ATP2B2: variants seen among roughly 807,000 people sequenced by gnomAD.
The protein encoded by ATP2B2 is plasma membrane calcium-transporting ATPase 2.
Under a neutral mutation model 120.0 loss-of-function variants are expected in ATP2B2, and 15 were observed. That is an observed-to-expected ratio of 0.12 (90% confidence interval 0.08 to 0.19). ATP2B2 has a LOEUF of 0.19. ATP2B2 is among the 10% of genes least tolerant of loss of function. The pLI is 1.00. For synonymous variants in ATP2B2, 694 were observed against 700.3 expected (o/e 0.99, Z 0.14); for missense variants, 1,045 against 1,719.8 (o/e 0.61, Z 6.94).
At chr3:10,380,735 G>C (rs1165378879) in intron 8 of ATP2B2, among the ~76,000 whole-genome samples, 1 of 152,186 alleles carries the variant, frequency 6.6e-6, no homozygotes, top group Non-Finnish European at 1.5e-5. Flanking sequence ...CAGGGTTCCT[G>C]AAGTCTTCAT....
At chr3:10,421,020 G>T (rs36109047) in intron 2 of ATP2B2, among the ~76,000 whole-genome samples, 32,024 of 152,062 alleles carry the variant, frequency 0.21, 3,764 homozygotes, top group Admixed American at 0.3. Context: ...GCATCACCTG[G>T]GGACTTGTTA....
chr3:10,448,517 C>G (rs751939695), intron 2 of ATP2B2, among the ~76,000 whole-genome samples: 9 of 152,188 alleles, frequency 5.9e-5, no homozygotes, highest in Non-Finnish European at 1.2e-4. Context: ...TCCCTTGTCT[C>G]TGTTTTGAGG....
intron 2 of ATP2B2, among the ~76,000 whole-genome samples, chr3:10,429,550 A>G (rs1170845688): frequency 6.6e-6 from 1 of 152,190 alleles, no homozygotes; most frequent in Non-Finnish European, 1.5e-5. Context: ...TAATCAGTCA[A>G]TGTTGCATGC....
intron 1 of ATP2B2, among the ~76,000 whole-genome samples, chr3:10,494,961 T>G (rs1199203894): frequency 6.6e-6 from 1 of 152,202 alleles, no homozygotes; most frequent in Non-Finnish European, 1.5e-5. Context: ...GAACCACAGT[T>G]TCCTCAATAG....
At chr3:10,501,733 T>C (rs1237070869) in intron 1 of ATP2B2, among the ~76,000 whole-genome samples, 1 of 151,998 alleles carries the variant, frequency 6.6e-6, no homozygotes, top group African/African-American at 2.4e-5. Flanking sequence ...TGAGTTTCAG[T>C]CTCATTCAGT....
chr3:10,553,025 C>T (rs1287214794), intron 2 of ATP2B2, among the ~76,000 whole-genome samples: 1 of 152,218 alleles, frequency 6.6e-6, no homozygotes, highest in Non-Finnish European at 1.5e-5. Context: ...CTATGGCCTC[C>T]AGCCTCCAGT....
chr3:10,421,724 T>C (rs964735364), intron 2 of ATP2B2, among the ~76,000 whole-genome samples: 7 of 152,192 alleles, frequency 4.6e-5, no homozygotes, highest in Non-Finnish European at 1.0e-4. Flanking sequence ...GGACTCCTCC[T>C]GCCTCACCTC....
chr3:10,340,138 G>T lies in ATP2B2; in HGVS notation c.3237+104C>A. Reference sequence around the variant, plus strand: ...GATGTCCAGAGATAGGGAGGAGCTTGCCTGGGGTCTGGCAGCCCATTCCTG... The same window carrying T: ...GATGTCCAGAGATAGGGAGGAGCTTTCCTGGGGTCTGGCAGCCCATTCCTG... On this transcript the variant is annotated intron_variant, in intron 21 of 22. Transcript: ENST00000360273. The surrounding 1 kb of genome is among the most constrained non-coding windows in gnomAD (Gnocchi z 5.0). The T allele has an allele frequency of 9.3e-7, 1 of 1,078,328 alleles. No homozygotes were observed. Among genetic ancestry groups the T allele is most frequent in the South Asian group, 1.3e-5 (1 of 76,882 alleles). The allele number at this position is 1,078,328 out of a possible 1,614,324, so 66.8% of individuals were successfully genotyped here.
rs1391700737 is a variant in ATP2B2 at position 10,379,796 on chromosome 3, A to C, written c.1001-512T>G. 5.3e-5 allele frequency among the ~76,000 whole-genome samples: 8 copies of C among 151,124 alleles called. No homozygotes were observed. The East Asian group carries it at 1.5e-3, about 29-fold the overall frequency. Reference sequence around the variant, plus strand: ...GAGAGAGAAAGAGAGACAGAGAGAGAGGAGAGAGTGTTTCTAGAATGGAGA... The same window carrying C: ...GAGAGAGAAAGAGAGACAGAGAGAGCGGAGAGAGTGTTTCTAGAATGGAGA... On this transcript the variant is annotated intron_variant, in intron 8 of 22. Coordinates refer to ENST00000360273, the MANE Select transcript of ATP2B2 (RefSeq NM_001001331.4).
Position 10,371,799 on chromosome 3 carries a change from C to T in ATP2B2, c.1659+10G>A, listed in dbSNP as rs2061251348. 6.2e-7 allele frequency: 1 copy of T among 1,614,104 alleles called. No individual in the cohort carries two copies. The highest frequency in any genetic ancestry group is 8.5e-7 in the Non-Finnish European group (1 of 1,180,024). ...GCTCCAGGTGGTGGATGTGCCTGGT[C>T]CACACTTACCAGAATCTTGGTGGTG... is the stretch of plus-strand genomic sequence containing the variant. On this transcript the variant is annotated intron_variant, in intron 12 of 22. Transcript: ENST00000360273.
At chr3:10,645,428 T>C (rs757435581) in intron 1 of ATP2B2, among the ~76,000 whole-genome samples, 3 of 152,184 alleles carry the variant, frequency 2.0e-5, no homozygotes, top group Non-Finnish European at 4.4e-5. Context: ...TCTTTGTTCT[T>C]AGGAAGTGTA....
At chr3:10,558,215 G>A (rs997369912) in intron 2 of ATP2B2, among the ~76,000 whole-genome samples, 2 of 152,172 alleles carry the variant, frequency 1.3e-5, no homozygotes, top group African/African-American at 4.8e-5. Context: ...AGACTGTGAG[G>A]CTCTGATGGG....
chr3:10,585,184 A>G (rs565421813), intron 2 of ATP2B2, among the ~76,000 whole-genome samples: 4 of 152,062 alleles, frequency 2.6e-5, no homozygotes, highest in South Asian at 2.1e-4. Flanking sequence ...AACTTCTCCA[A>G]TGGTTTGCAC....
At chr3:10,644,288 T>C (rs1192932490) in intron 1 of ATP2B2, among the ~76,000 whole-genome samples, 1 of 152,118 alleles carries the variant, frequency 6.6e-6, no homozygotes, top group Non-Finnish European at 1.5e-5. Flanking sequence ...TGTGGAGAAA[T>C]TGGAACCCTT....
At chr3:10,350,042 C>G in intron 16 of ATP2B2, 70 bp downstream of exon 16, 1 of 1,504,568 alleles carries the variant, frequency 6.6e-7, no homozygotes, top group Non-Finnish European at 9.2e-7. Flanking sequence ...CTGCAAGTGC[C>G]AGGAGAGGAG....
chr3:10,350,883 G>A (rs1340398519), intron 14 of ATP2B2, among the ~76,000 whole-genome samples: 3 of 152,142 alleles, frequency 2.0e-5, no homozygotes, highest in Non-Finnish European at 2.9e-5. Flanking sequence ...TGGCTGTCTC[G>A]ACCTGGGCGA....
At chr3:10,595,728 T>C (rs1369240944) in intron 2 of ATP2B2, among the ~76,000 whole-genome samples, 1 of 152,256 alleles carries the variant, frequency 6.6e-6, no homozygotes, top group African/African-American at 2.4e-5. Flanking sequence ...GAGAGCCACC[T>C]GTAAATATGA....
At chr3:10,605,873 T>C (rs939886896) in intron 2 of ATP2B2, among the ~76,000 whole-genome samples, 3 of 152,164 alleles carry the variant, frequency 2.0e-5, no homozygotes, top group African/African-American at 4.8e-5. Context: ...GGTCTTGAAC[T>C]CCTGACCTCA....
In ATP2B2 at chr3:10,327,224, G is replaced by A. The variant is rs2059872996; in HGVS notation, c.*1590C>T. ...GGGATTACTAGTGCTGTTGTCTTGG[G>A]GAAAAAATAACCACCTTTTCTCACC... On this transcript the variant is annotated 3_prime_UTR_variant, in exon 23 of 23. Coordinates refer to ENST00000360273, the MANE Select transcript of ATP2B2 (RefSeq NM_001001331.4). 5.9e-6 allele frequency: 1 copy of A among 169,546 alleles called. No homozygotes were observed. The highest frequency in any genetic ancestry group is 2.0e-4 in the South Asian group (1 of 5,002). 10.5% of individuals were successfully genotyped at this position (169,546 alleles called of 1,614,324 possible). A position where few individuals can be genotyped will look rare whatever the true frequency, so the allele number is the denominator to read the frequency against.
Sources: gnomAD v4.1 joint callset for allele counts (sites outside exome capture counted in the v4.1 genomes callset) on GRCh38, gnomAD v4.1.1 for gene constraint, Gnocchi (gnomAD v3.1) non-coding constraint, MANE v1.5 for transcripts, NCBI Gene and HGNC (gene_info 2026-07-23, HGNC 2026-07-21) for gene names.